The following WDR82 variants were observed in gnomAD, a reference collection of about 807,000 sequenced individuals.
WDR82 encodes WD repeat-containing protein 82.
In WDR82, 8 loss-of-function variants were observed where a neutral mutation model predicts 36.1. The observed-to-expected ratio is 0.22, with a 90% CI of 0.13 to 0.40. The LOEUF (loss-of-function observed/expected upper bound fraction) is 0.40, where lower values mean the gene tolerates loss of function less well. WDR82 is among the 10% of genes least tolerant of loss of function. WDR82 has a pLI of 1.00. For missense variants in WDR82, 185 were observed against 400.5 expected (o/e 0.46, Z 4.59); for synonymous variants, 129 against 137.8 (o/e 0.94, Z 0.45).
Position 52,278,375 on chromosome 3 carries a change from G to C in WDR82, c.-14C>G. The C allele has an allele frequency of 6.6e-7, 1 of 1,522,282 alleles. No individual in the cohort carries two copies. The highest frequency in any genetic ancestry group is 8.8e-7 in the Non-Finnish European group (1 of 1,135,360). 94.3% of individuals were successfully genotyped at this position (1,522,282 alleles called of 1,614,324 possible). ...GGTCAGCTTCATGGCGGCGGCTGGG[G>C]AAGGCAGCGGCGGCGCAGGGCCGGG... On this transcript the variant is annotated 5_prime_UTR_variant, in exon 1 of 9. Coordinates refer to ENST00000296490, the MANE Select transcript of WDR82 (RefSeq NM_025222.4).
rs945382194 is a variant in WDR82, at chr3:52,270,782, T to C, written c.189A>G (p.Lys63=). Residue 63 remains lysine, a synonymous_variant, in exon 2 of 9, where the codon AAA becomes AAG. Transcript: ENST00000296490. ...TGTATCTGATGAGGTCCACACCATA[T>C]TTCTTACTGTACAGGGTTCTCTTTG... is the stretch of plus-strand genomic sequence containing the variant. ...GKPKRTLYSK[K]YGVDLIRYTH... The C allele has an allele frequency of 1.9e-6, 3 of 1,612,754 alleles. No homozygotes were observed. In the Admixed American group the frequency reaches 5.0e-5, roughly 27 times the overall value.
Position 52,272,370 on chromosome 3 carries a change from G to A in WDR82, c.162-1561C>T, listed in dbSNP as rs562157762. ...ACCAGCCTGGCCAACATGGCGAAAC[G>A]CTATCTCTACTAAAGATACAAAAAT... On this transcript the variant is annotated intron_variant, in intron 1 of 8. Coordinates refer to ENST00000296490, the MANE Select transcript of WDR82 (RefSeq NM_025222.4). Among the ~76,000 whole-genome samples, 15 of 151,384 alleles carry A rather than the reference G, an allele frequency of 9.9e-5. No homozygotes were observed. The South Asian group carries it at 3.1e-3, about 32-fold the overall frequency.
intron 8 of WDR82, 140 bp from the exon 9 acceptor site, chr3:52,257,659 T>C (rs1010967176): frequency 9.5e-6 from 8 of 839,316 alleles, no homozygotes; most frequent in African/African-American, 1.7e-5. Context: ...CCAACCCCGA[T>C]GCTCTAAGGA....
Position 52,259,266 on chromosome 3 carries a change from C to G in WDR82, c.700G>C (p.Gly234Arg). Residue 234 changes from glycine (G) to arginine (R), a missense_variant and splice_region_variant, in exon 7 of 9, where the codon GGT (glycine) becomes CGT (arginine). Gly to Arg is a moderately radical substitution (Grantham distance 125). Coordinates refer to ENST00000296490, the MANE Select transcript of WDR82 (RefSeq NM_025222.4). ...FKGVVMHTFG[G>R]YANSKAVTLE... The stretch of plus-strand genomic sequence containing the variant: ...GTGACAGCTTTGCTGTTGGCATAAC[C>G]CTAAAACAAAACAGAGCAGTTCTTT... 6.2e-7 allele frequency: 1 copy of G among 1,614,044 alleles called. No homozygotes were observed. The highest frequency in any genetic ancestry group is 8.5e-7 in the Non-Finnish European group (1 of 1,179,970).
intron 3 of WDR82, among the ~76,000 whole-genome samples, chr3:52,266,541 G>A (rs1484445387): frequency 2.0e-5 from 3 of 152,026 alleles, no homozygotes; most frequent in South Asian, 2.1e-4. Flanking sequence ...GGGTTCAAGC[G>A]ATTCTCCTGC....
At chr3:52,262,659 A>C (rs1410724902) in intron 3 of WDR82, among the ~76,000 whole-genome samples, 1 of 152,242 alleles carries the variant, frequency 6.6e-6, no homozygotes, top group East Asian at 1.9e-4. Context: ...CTATGCTAAC[A>C]GCAACTGTAT....
chr3:52,258,671 C>T lies in WDR82; in HGVS notation c.777G>A (p.Glu259=). The change falls in exon 8 of 9, where the codon GAG becomes GAA. Residue 259 remains glutamate (E), a synonymous_variant. Coordinates refer to ENST00000296490, the MANE Select transcript of WDR82 (RefSeq NM_025222.4). The stretch of plus-strand genomic sequence containing the variant: ...CATTCCAGACATGGATCTTGCCATC[C>T]TCTGAACCTAAAGAGGATATTCACG... The part of the protein sequence containing the change: ...PDSQFIMIGS[E]DGKIHVWNGE... 1 of 1,614,184 alleles carries T rather than the reference C, an allele frequency of 6.2e-7. No individual in the cohort carries two copies. Among genetic ancestry groups the T allele is most frequent in the Non-Finnish European group, 8.5e-7 (1 of 1,180,030 alleles).
chr3:52,269,171 A>T (rs962607850), intron 2 of WDR82, among the ~76,000 whole-genome samples: 3 of 152,178 alleles, frequency 2.0e-5, no homozygotes, highest in African/African-American at 4.8e-5. Flanking sequence ...ATCCACTGAA[A>T]TAAGTTTAAA....
intron 1 of WDR82, among the ~76,000 whole-genome samples, chr3:52,277,290 A>C (rs1700213722): frequency 6.6e-6 from 1 of 152,046 alleles, no homozygotes; most frequent in Non-Finnish European, 1.5e-5. Flanking sequence ...CCCCCAGGGA[A>C]AAAGGCAAAG....
intron 8 of WDR82, among the ~76,000 whole-genome samples, 161 bp downstream of exon 8, chr3:52,258,375 A>G (rs1700030723): frequency 6.6e-6 from 1 of 152,224 alleles, no homozygotes; most frequent in Non-Finnish European, 1.5e-5. Context: ...CCAGAGATCA[A>G]ATAATAGGAG....
In WDR82 at chr3:52,270,893, T is replaced by C. The variant is rs543657192; in HGVS notation, c.162-84A>G. ...CTCCACATAAAGAGAAGCACTTGAA[T>C]GATGTGGCAAAGGTGAGGATTTTTG... is the stretch of plus-strand genomic sequence containing the variant. On this transcript the variant is annotated intron_variant, in intron 1 of 8. Coordinates refer to ENST00000296490, the MANE Select transcript of WDR82 (RefSeq NM_025222.4). 754 of 1,034,808 alleles carry C rather than the reference T, an allele frequency of 7.3e-4. 3 individuals are homozygous for C. Among genetic ancestry groups the C allele is most frequent in the Admixed American group, 2.7e-3 (114 of 42,632 alleles). The allele number at this position is 1,034,808 out of a possible 1,614,324, so 64.1% of individuals were successfully genotyped here. A position where few individuals can be genotyped will look rare whatever the true frequency, so the allele number is the denominator to read the frequency against.
chr3:52,270,923 G>T, intron 1 of WDR82, 114 bp from the exon 2 acceptor site: 1 of 679,266 alleles, frequency 1.5e-6, no homozygotes, highest in Non-Finnish European at 2.3e-6. Context: ...TTTTTGGTAA[G>T]TTCTAACACT....
chr3:52,272,499 G>C (rs889615547), intron 1 of WDR82, among the ~76,000 whole-genome samples: 1 of 145,468 alleles, frequency 6.9e-6, no homozygotes, highest in Admixed American at 6.9e-5. Context: ...AGCTGAGATC[G>C]CGCCACTGCA....
At chr3:52,270,099 T>G (rs1700140249) in intron 2 of WDR82, among the ~76,000 whole-genome samples, 1 of 152,196 alleles carries the variant, frequency 6.6e-6, no homozygotes, top group Non-Finnish European at 1.5e-5. Flanking sequence ...GTGTATCAAG[T>G]GTTCTTTCCT....
At chr3:52,261,306 C>T in intron 4 of WDR82, 74 bp downstream of exon 4, 1 of 1,290,802 alleles carries the variant, frequency 7.7e-7, no homozygotes, top group Non-Finnish European at 1.1e-6. Context: ...TTTCTCCCTT[C>T]TTTGAGAGGT....
At chr3:52,278,072 G>T in intron 1 of WDR82, 129 bp downstream of exon 1, 1 of 952,076 alleles carries the variant, frequency 1.1e-6, no homozygotes, top group Non-Finnish European at 1.4e-6. Flanking sequence ...GGGTGGAGGC[G>T]GCCCTGGCAG....
At position 52,269,628 on chromosome 3, in the gene WDR82, G is replaced by T. The variant is rs547326649; in HGVS notation, c.259+1084C>A. Reference sequence around the variant, plus strand: ...ACCTGTAGTCCCAGCTACCTGGGAGGCTGAGGCAGGAGAATTACTTGAACC... The same window carrying T: ...ACCTGTAGTCCCAGCTACCTGGGAGTCTGAGGCAGGAGAATTACTTGAACC... On this transcript the variant is annotated intron_variant, in intron 2 of 8. Transcript: ENST00000296490. 2.6e-5 allele frequency among the ~76,000 whole-genome samples: 4 copies of T among 152,268 alleles called. No homozygotes were observed. In the South Asian group the frequency reaches 8.3e-4, roughly 32 times the overall value.
rs751337952 is a variant in WDR82, at chr3:52,257,459, A to G, written c.*31T>C. 3.7e-5 allele frequency: 60 copies of G among 1,614,002 alleles called. No individual in the cohort carries two copies. The highest frequency in any genetic ancestry group is 4.5e-5 in the Non-Finnish European group (53 of 1,180,032). On this transcript the variant is annotated 3_prime_UTR_variant, in exon 9 of 9. Transcript: ENST00000296490. ...GAGTTTCTTCCTGCTGGCCGCCCTCACTATACAGAAATAGCCAAGCAGCAA... is the reference window on the plus strand; with the variant it reads ...GAGTTTCTTCCTGCTGGCCGCCCTCGCTATACAGAAATAGCCAAGCAGCAA...
chr3:52,264,288 TAAGA>T (rs1204789920), intron 3 of WDR82, among the ~76,000 whole-genome samples: 26 of 152,104 alleles, frequency 1.7e-4, no homozygotes, highest in Non-Finnish European at 1.5e-5. Context: ...GCGATGGAGA[TAAGA>T]AAGCGGATAA....
Sources: allele counts gnomAD v4.1 joint callset (sites outside exome capture counted in the v4.1 genomes callset), GRCh38; gene constraint gnomAD v4.1.1; transcripts MANE v1.5; gene names NCBI Gene and HGNC (gene_info 2026-07-23, HGNC 2026-07-21).